The following PLEKHA6 variants were observed in gnomAD, a reference collection of about 807,000 sequenced individuals.
PLEKHA6 encodes the protein pleckstrin homology domain containing A6.
A neutral mutation model predicts 116.7 loss-of-function variants in PLEKHA6; 60 were observed. The ratio of observed to expected loss-of-function variants is 0.51; its 90% CI spans 0.42 to 0.64. The LOEUF is 0.64. Ranked by LOEUF, PLEKHA6 falls within the 30% of genes least tolerant of loss-of-function variation. The probability of loss-of-function intolerance (pLI) is 0.00; values close to 1 mark genes in which losing one functional copy is unlikely to be tolerated. For missense variants in PLEKHA6, 1,338 were observed against 1,422.7 expected (o/e 0.94, Z 0.96); for synonymous variants, 489 against 556.1 (o/e 0.88, Z 1.70).
upstream of PLEKHA6, among the ~76,000 whole-genome samples, chr1:204,360,793 G>A (rs926415546): frequency 1.3e-5 from 2 of 152,122 alleles, no homozygotes; most frequent in Non-Finnish European, 2.9e-5. Context: ...GCCAAGCTAC[G>A]GGGTACCTGG....
intron 1 of PLEKHA6, among the ~76,000 whole-genome samples, chr1:204,336,673 C>G (rs868743837): frequency 1.3e-5 from 2 of 152,194 alleles, no homozygotes; most frequent in African/African-American, 4.8e-5. Flanking sequence ...CTGCCCTCCT[C>G]CTCCCTGCCT....
intron 1 of PLEKHA6, chr1:204,297,885 A>C (rs1670439187): frequency 1.0e-6 from 1 of 984,700 alleles, no homozygotes; most frequent in Admixed American, 6.2e-5. Context: ...CATCAATGTG[A>C]GTGATAGAGG....
At position 204,241,552 on chromosome 1, in the gene PLEKHA6, A is replaced by G. The variant is rs555493489; in HGVS notation, c.2303-71T>C. 5.0e-6 allele frequency: 7 copies of G among 1,404,966 alleles called. No homozygotes were observed. In the East Asian group the frequency reaches 1.4e-4, roughly 28 times the overall value. The allele number at this position is 1,404,966 out of a possible 1,614,324, so 87.0% of individuals were successfully genotyped here. On this transcript the variant is annotated intron_variant, in intron 16 of 22. Transcript: ENST00000272203. ...GGCAGGAAGCCTCCTTCTCAGAGAC[A>G]ATCTCAGCCCCACTCTCCACCGAGA...
intron 1 of PLEKHA6, among the ~76,000 whole-genome samples, chr1:204,334,915 A>AAATAT (rs1266809470): frequency 6.6e-6 from 1 of 152,026 alleles, no homozygotes; most frequent in Non-Finnish European, 1.5e-5. Flanking sequence ...AAATAAAATA[A>AAATAT]AATAAAACCT....
At chr1:204,304,821 G>C (rs190389654) in intron 1 of PLEKHA6, among the ~76,000 whole-genome samples, 2 of 152,098 alleles carry the variant, frequency 1.3e-5, no homozygotes, top group African/African-American at 4.8e-5. Context: ...GAGTAGGGCA[G>C]GTATGGAAGG....
chr1:204,280,990 A>G, intron 1 of PLEKHA6: 1 of 984,612 alleles, frequency 1.0e-6, no homozygotes, highest in Non-Finnish European at 1.2e-6. Flanking sequence ...CCCTGGCAGC[A>G]CTTCTAGGTA....
intron 1 of PLEKHA6, among the ~76,000 whole-genome samples, chr1:204,325,541 G>A (rs1014047201): frequency 5.3e-5 from 8 of 152,206 alleles, no homozygotes; most frequent in Admixed American, 1.3e-4. Flanking sequence ...TCAGGTCCCA[G>A]GACTAGGAGC....
At chr1:204,241,923 T>C (rs1369571992) in intron 15 of PLEKHA6, 109 bp from the exon 16 acceptor site, 1 of 1,226,618 alleles carries the variant, frequency 8.2e-7, no homozygotes, top group Admixed American at 1.8e-5. Flanking sequence ...CCCTTGCAGA[T>C]ACAAGGAACA....
intron 1 of PLEKHA6, among the ~76,000 whole-genome samples, chr1:204,344,781 GAC>G (rs144340488): frequency 0.016 from 2,419 of 152,242 alleles, 23 homozygotes; most frequent in Middle Eastern, 0.041. Flanking sequence ...AGCAGAAAAG[GAC>G]AGATGAGATG....
intron 18 of PLEKHA6, among the ~76,000 whole-genome samples, 194 bp downstream of exon 18, chr1:204,230,219 A>T (rs1451156721): frequency 1.3e-5 from 2 of 152,268 alleles, no homozygotes; most frequent in Non-Finnish European, 2.9e-5. Context: ...TTCTTTAAAC[A>T]AGAAAAAGTC....
chr1:204,312,084 A>G (rs1671675502), intron 1 of PLEKHA6, among the ~76,000 whole-genome samples: 2 of 152,140 alleles, frequency 1.3e-5, no homozygotes, highest in South Asian at 4.1e-4. Flanking sequence ...AGCACAGGAA[A>G]CTCATGGTTA....
rs1405518147 is a variant in PLEKHA6 at position 204,268,316 on chromosome 1, G to C, written c.103-4C>G. 6.3e-7 allele frequency: 1 copy of C among 1,598,556 alleles called. No individual in the cohort carries two copies. Among genetic ancestry groups the C allele is most frequent in the Non-Finnish European group, 8.5e-7 (1 of 1,171,504 alleles). ...CTTTGCGGGCTGTGCGAGTTGCCTG[G>C]GGGCAGAGAGAGAAGCTGATCTAGG... On this transcript the variant is annotated splice_region_variant and splice_polypyrimidine_tract_variant and intron_variant, in intron 3 of 22. Transcript: ENST00000272203.
At chr1:204,282,819 G>A (rs1181322923) in intron 1 of PLEKHA6, 6 of 984,868 alleles carry the variant, frequency 6.1e-6, no homozygotes, top group Non-Finnish European at 7.2e-6. Context: ...AAGAGAGGGG[G>A]AATTCAAAGG....
chr1:204,363,783 A>C (rs556362444), upstream of PLEKHA6, among the ~76,000 whole-genome samples: 70 of 151,946 alleles, frequency 4.6e-4, no homozygotes, highest in African/African-American at 1.6e-3. Flanking sequence ...CAGCCTGGGG[A>C]GACGCTGTGA....
intron 1 of PLEKHA6, chr1:204,280,241 A>G: frequency 1.1e-6 from 1 of 922,700 alleles, no homozygotes; most frequent in East Asian, 1.2e-4. Flanking sequence ...CTTCATCTCC[A>G]AACATCCCCC....
intron 2 of PLEKHA6, among the ~76,000 whole-genome samples, chr1:204,370,036 T>A (rs1673743914): frequency 6.6e-6 from 1 of 152,202 alleles, no homozygotes; most frequent in South Asian, 2.1e-4. Flanking sequence ...CCAGGAAGAA[T>A]TAAACCCCTA....
At chr1:204,291,206 T>C (rs766758326) in intron 1 of PLEKHA6, among the ~76,000 whole-genome samples, 6 of 152,076 alleles carry the variant, frequency 3.9e-5, no homozygotes, top group Non-Finnish European at 8.8e-5. Context: ...GAAATGCAAA[T>C]TGAAACTACT....
At position 204,247,409 on chromosome 1, in the gene PLEKHA6, C is replaced by T. The variant is rs1173095774; in HGVS notation, c.1876G>A (p.Ala626Thr). Residue 626 changes from alanine to threonine, a missense_variant, in exon 13 of 23, where the codon GCC becomes ACC. Coordinates refer to ENST00000272203, the MANE Select transcript of PLEKHA6 (RefSeq NM_014935.5). Reference protein sequence around the residue: ...EYEHLESEVSALHDDLWEQLN... With the variant: ...EYEHLESEVSTLHDDLWEQLN... ...TGCTCCCAGAGGTCATCGTGCAGGGCAGAGACCTCAGACTCGAGGTGCTCA... is the reference window on the plus strand; with the variant it reads ...TGCTCCCAGAGGTCATCGTGCAGGGTAGAGACCTCAGACTCGAGGTGCTCA... 3.1e-6 allele frequency: 5 copies of T among 1,613,492 alleles called. No individual in the cohort carries two copies. In the African/African-American group the frequency reaches 4.0e-5, roughly 13 times the overall value.
chr1:204,261,164 C>A lies in PLEKHA6; in HGVS notation c.524+142G>T. ...TGAAATCACTCAGCCAGGCCTCCCG[C>A]CTGGATGCAAGGAGACGGCTCACAC... is the stretch of plus-strand genomic sequence containing the variant. On this transcript the variant is annotated intron_variant, in intron 7 of 22. Coordinates refer to ENST00000272203, the MANE Select transcript of PLEKHA6 (RefSeq NM_014935.5). This position sits in a 1 kb window ranked among gnomAD's most constrained non-coding sequence, Gnocchi z 4.0. The A allele has an allele frequency of 1.0e-6, 1 of 978,014 alleles. No homozygotes were observed. Among genetic ancestry groups the A allele is most frequent in the Non-Finnish European group, 1.6e-6 (1 of 634,234 alleles). The allele number at this position is 978,014 out of a possible 1,614,324, so 60.6% of individuals were successfully genotyped here. A position where few individuals can be genotyped will look rare whatever the true frequency, so the allele number is the denominator to read the frequency against.
Sources: allele counts gnomAD v4.1 joint callset (sites outside exome capture counted in the v4.1 genomes callset), GRCh38; gene constraint gnomAD v4.1.1; non-coding constraint Gnocchi (gnomAD v3.1); transcripts MANE v1.5; gene names NCBI Gene and HGNC (gene_info 2026-07-23, HGNC 2026-07-21).